MPPED2: variants seen among roughly 807,000 people sequenced by gnomAD.
MPPED2 encodes metallophosphoesterase domain containing 2, also known as metallophosphoesterase MPPED2.
A neutral mutation model predicts 33.0 loss-of-function variants in MPPED2; 5 were observed. That is an observed-to-expected ratio of 0.15 (90% CI 0.08 to 0.32). The LOEUF is 0.32. Among genes scored for constraint, MPPED2 ranks in the 10% least tolerant of loss-of-function variants. MPPED2 has a pLI of 1.00. For missense variants in MPPED2, 275 were observed against 372.1 expected (o/e 0.74, Z 2.15); for synonymous variants, 136 against 141.9 (o/e 0.96, Z 0.29).
At chr11:30,452,649 C>T (rs1590329419) in intron 4 of MPPED2, among the ~76,000 whole-genome samples, 2 of 152,284 alleles carry the variant, frequency 1.3e-5, no homozygotes, top group South Asian at 4.1e-4. Flanking sequence ...TTCATGAGCT[C>T]TGGAGTGGCA....
intron 2 of MPPED2, among the ~76,000 whole-genome samples, chr11:30,579,511 A>G (rs962097034): frequency 1.3e-4 from 20 of 152,180 alleles, no homozygotes; most frequent in South Asian, 2.1e-4. Flanking sequence ...GTAGCAGAGG[A>G]CCAGAAAAAA....
chr11:30,509,077 T>C (rs1952996428), intron 3 of MPPED2, among the ~76,000 whole-genome samples: 1 of 152,190 alleles, frequency 6.6e-6, no homozygotes, highest in Non-Finnish European at 1.5e-5. Context: ...ATAAGTCCTA[T>C]TTTTATTTTA....
chr11:30,493,381 A>AAG (rs1337560899), intron 4 of MPPED2, among the ~76,000 whole-genome samples: 1 of 151,944 alleles, frequency 6.6e-6, no homozygotes, highest in East Asian at 1.9e-4. Flanking sequence ...AAAAAAAAAA[A>AAG]AAAAAAGAAA....
chr11:30,413,897 G>T (rs1212339711), intron 6 of MPPED2, among the ~76,000 whole-genome samples: 1 of 152,150 alleles, frequency 6.6e-6, no homozygotes, highest in African/African-American at 2.4e-5. Context: ...AGGAGAAAAT[G>T]ACTCCTTGTA....
At chr11:30,467,873 G>A (rs1215682461) in intron 4 of MPPED2, among the ~76,000 whole-genome samples, 1 of 152,122 alleles carries the variant, frequency 6.6e-6, no homozygotes, top group Admixed American at 6.6e-5. Context: ...GGGTAGGAGG[G>A]GGCTGGTTTT....
At chr11:30,477,495 T>C (rs1356035355) in intron 4 of MPPED2, among the ~76,000 whole-genome samples, 2 of 151,716 alleles carry the variant, frequency 1.3e-5, no homozygotes, top group Non-Finnish European at 2.9e-5. Context: ...TCTTTTATCC[T>C]GTTAATAGGA....
intron 4 of MPPED2, among the ~76,000 whole-genome samples, chr11:30,427,172 G>A (rs1342183540): frequency 3.9e-5 from 6 of 152,182 alleles, no homozygotes. Flanking sequence ...AAGAAAAAGA[G>A]GAAAGGTAGG....
At chr11:30,407,879 GTAAATAAATAAA>G (rs554823185), downstream of MPPED2, among the ~76,000 whole-genome samples, 660 of 151,906 alleles carry the variant, frequency 4.3e-3, 5 homozygotes, top group African/African-American at 0.014. Context: ...AAATAAATAA[GTAAATAAATAAA>G]TAAATAAATA....
intron 4 of MPPED2, among the ~76,000 whole-genome samples, chr11:30,462,692 T>C (rs1255670782): frequency 4.2e-4 from 64 of 152,202 alleles, no homozygotes; most frequent in Non-Finnish European, 1.5e-5. Context: ...TCTAATAATG[T>C]TCCATTCCCA....
intron 3 of MPPED2, among the ~76,000 whole-genome samples, chr11:30,498,403 G>C (rs1290433940): frequency 1.3e-5 from 2 of 152,038 alleles, no homozygotes; most frequent in African/African-American, 4.8e-5. Flanking sequence ...TGGCCAATGT[G>C]ATAAAACCCT....
At chr11:30,471,929 A>G (rs1434351264) in intron 4 of MPPED2, among the ~76,000 whole-genome samples, 1 of 152,122 alleles carries the variant, frequency 6.6e-6, no homozygotes, top group Admixed American at 6.6e-5. Context: ...AATAATCTCT[A>G]TAAACCACAT....
At chr11:30,466,628 T>A (rs373682464) in intron 4 of MPPED2, among the ~76,000 whole-genome samples, 2 of 152,206 alleles carry the variant, frequency 1.3e-5, no homozygotes, top group African/African-American at 2.4e-5. Context: ...AGGGTAGCCA[T>A]TGAGTTTTAA....
intron 4 of MPPED2, among the ~76,000 whole-genome samples, chr11:30,431,411 A>C (rs983329611): frequency 3.9e-5 from 6 of 152,214 alleles, no homozygotes; most frequent in African/African-American, 1.4e-4. Context: ...CTGTTTCCCA[A>C]TCTGTAAGAT....
intron 2 of MPPED2, among the ~76,000 whole-genome samples, chr11:30,568,769 G>A (rs1424022827): frequency 1.3e-5 from 2 of 152,202 alleles, no homozygotes; most frequent in Middle Eastern, 3.4e-3. Flanking sequence ...TCCAATGGGG[G>A]GTACCTGTCA....
intron 4 of MPPED2, among the ~76,000 whole-genome samples, chr11:30,433,020 G>T (rs1390694611): frequency 1.3e-5 from 2 of 152,204 alleles, no homozygotes; most frequent in Non-Finnish European, 2.9e-5. Flanking sequence ...TCTGATGGGG[G>T]TCCCCAATCT....
At chr11:30,521,294 A>C (rs1195060798) in intron 3 of MPPED2, among the ~76,000 whole-genome samples, 1 of 152,228 alleles carries the variant, frequency 6.6e-6, no homozygotes, top group Non-Finnish European at 1.5e-5. Flanking sequence ...AAATATAGGG[A>C]TGTAACCATA....
At chr11:30,459,627 G>A (rs1950438999) in intron 4 of MPPED2, among the ~76,000 whole-genome samples, 2 of 152,124 alleles carry the variant, frequency 1.3e-5, no homozygotes, top group South Asian at 2.1e-4. Flanking sequence ...AATCCACAAA[G>A]CTTCACATAG....
chr11:30,531,783 G>A (rs897015452), intron 3 of MPPED2, among the ~76,000 whole-genome samples: 1 of 152,208 alleles, frequency 6.6e-6, no homozygotes, highest in South Asian at 2.1e-4. Context: ...GCCAGCTTAC[G>A]TAGAGAGGCT....
chr11:30,391,286 C>T (rs1947771602), intron 6 of MPPED2, among the ~76,000 whole-genome samples: 1 of 152,114 alleles, frequency 6.6e-6, no homozygotes, highest in Admixed American at 6.5e-5. Flanking sequence ...AGGCTAATTG[C>T]TCTTTGGTGT....
Sources: allele counts gnomAD v4.1 joint callset (sites outside exome capture counted in the v4.1 genomes callset), GRCh38; gene constraint gnomAD v4.1.1; transcripts MANE v1.5; gene names NCBI Gene and HGNC (gene_info 2026-07-23, HGNC 2026-07-21).